Variants in ADAMTS16 observed in about 807,000 individuals in gnomAD.
ADAMTS16 encodes the protein ADAM metallopeptidase with thrombospondin type 1 motif 16, also known as A disintegrin and metalloproteinase with thrombospondin motifs 16.
In ADAMTS16, 94 loss-of-function variants were observed where a neutral mutation model predicts 145.8. The observed-to-expected ratio is 0.64, with a 90% confidence interval of 0.55 to 0.77. ADAMTS16 has a LOEUF of 0.77. Among genes scored for constraint, ADAMTS16 ranks in the 30% least tolerant of loss-of-function variants. The pLI is 0.00. For synonymous variants in ADAMTS16, 659 were observed against 604.3 expected, an observed-to-expected ratio of 1.09 and a Z score of -1.33; for missense variants, 1,585 against 1,591.5, an observed-to-expected ratio of 1.00 and a Z score of 0.07.
intron 17 of ADAMTS16, among the ~76,000 whole-genome samples, chr5:5,246,395 C>A (rs977277365): frequency 3.3e-5 from 5 of 152,128 alleles, no homozygotes; most frequent in African/African-American, 1.2e-4. Context: ...CAATAATATT[C>A]TCTTCACCAT....
In ADAMTS16 at chr5:5,303,251, T is replaced by C; in HGVS notation, c.2790-17T>C. The C allele has an allele frequency of 6.5e-7, 1 of 1,532,254 alleles. No homozygotes were observed. The highest frequency in any genetic ancestry group is 8.8e-7 in the Non-Finnish European group (1 of 1,138,262). The allele number at this position is 1,532,254 out of a possible 1,614,324, so 94.9% of individuals were successfully genotyped here. A position where few individuals can be genotyped will look rare whatever the true frequency, so the allele number is the denominator to read the frequency against. ...GATGGAGCCATCCCTCACCGAGGTC[T>C]CTTTGTCCCTGCCCAGCTGGTCCGT... On this transcript the variant is annotated splice_polypyrimidine_tract_variant and intron_variant, in intron 18 of 22. Transcript: ENST00000274181.
intron 10 of ADAMTS16, among the ~76,000 whole-genome samples, chr5:5,213,938 A>G (rs953539635): frequency 3.3e-5 from 5 of 152,238 alleles, no homozygotes; most frequent in Admixed American, 6.5e-5. Context: ...GCCCAATGCA[A>G]CTTTTTTCTA....
intron 18 of ADAMTS16, among the ~76,000 whole-genome samples, chr5:5,286,649 G>A (rs1739113116): frequency 6.6e-6 from 1 of 152,000 alleles, no homozygotes; most frequent in Non-Finnish European, 1.5e-5. Flanking sequence ...ACAAGATCAG[G>A]AGATGGAGAC....
intron 3 of ADAMTS16, among the ~76,000 whole-genome samples, chr5:5,180,240 G>A (rs1482673151): frequency 6.6e-6 from 1 of 152,088 alleles, no homozygotes; most frequent in Non-Finnish European, 1.5e-5. Context: ...GGCAGCACTA[G>A]ATTTGCAAAA....
chr5:5,197,047 A>G (rs897827926), intron 8 of ADAMTS16, among the ~76,000 whole-genome samples: 2 of 152,150 alleles, frequency 1.3e-5, no homozygotes, highest in African/African-American at 4.8e-5. Flanking sequence ...AGATGCCTGC[A>G]TGAAGCCTGC....
chr5:5,185,024 A>G (rs1735459528), intron 4 of ADAMTS16, among the ~76,000 whole-genome samples: 1 of 152,132 alleles, frequency 6.6e-6, no homozygotes, highest in Admixed American at 6.5e-5. Flanking sequence ...TTAGAACCCC[A>G]TGCTCAGCCT....
In ADAMTS16 at chr5:5,146,120, T is replaced by C; in HGVS notation, c.176-10T>C. The C allele has an allele frequency of 6.2e-7, 1 of 1,608,488 alleles. No homozygotes were observed. Among genetic ancestry groups the C allele is most frequent in the Non-Finnish European group, 8.5e-7 (1 of 1,175,238 alleles). ...AATGACTCAGCCTCTGCTCACTCTT[T>C]TGATTTCAGAATATGACCTGGTCTC... On this transcript the variant is annotated splice_polypyrimidine_tract_variant and intron_variant, in intron 2 of 22. Coordinates refer to ENST00000274181, the MANE Select transcript of ADAMTS16 (RefSeq NM_139056.4).
chr5:5,188,497 C>G (rs1735572763), intron 6 of ADAMTS16, among the ~76,000 whole-genome samples: 1 of 152,106 alleles, frequency 6.6e-6, no homozygotes, highest in South Asian at 2.1e-4. Context: ...ATTTTAGGCA[C>G]AAAATGTTCT....
Position 5,146,346 on chromosome 5 carries a change from C to T in ADAMTS16, c.392C>T (p.Thr131Ile), listed in dbSNP as rs763065106. The change falls in exon 3 of 23, where the codon ACA becomes ATA. Residue 131 changes from threonine to isoleucine, a missense_variant. Physicochemically the swap from Thr to Ile is moderately conservative, Grantham distance 89. Coordinates refer to ENST00000274181, the MANE Select transcript of ADAMTS16 (RefSeq NM_139056.4). ...PGFIVQTLGKTGTKSVQTLPP... is the reference protein window; with the variant it reads ...PGFIVQTLGKIGTKSVQTLPP... The stretch of plus-strand genomic sequence containing the variant: ...TTTATTGTGCAGACGTTGGGAAAGA[C>T]AGGCACTAAGTCTGTGCAGACTTTA... 2.5e-6 allele frequency: 4 copies of T among 1,614,216 alleles called. No individual in the cohort carries two copies.
At chr5:5,308,517 G>C (rs1378218282) in intron 21 of ADAMTS16, among the ~76,000 whole-genome samples, 2 of 152,100 alleles carry the variant, frequency 1.3e-5, no homozygotes. Flanking sequence ...CAAGGAGGAG[G>C]GAGCACCCTC....
At chr5:5,200,018 G>T in intron 8 of ADAMTS16, 114 bp from the exon 9 acceptor site, 1 of 1,258,798 alleles carries the variant, frequency 7.9e-7, no homozygotes. Flanking sequence ...TGCCTGCCTA[G>T]CATATAGGGG....
At chr5:5,221,793 G>A (rs1448361220) in intron 10 of ADAMTS16, among the ~76,000 whole-genome samples, 2 of 152,148 alleles carry the variant, frequency 1.3e-5, no homozygotes, top group Non-Finnish European at 2.9e-5. Flanking sequence ...TTAACATGGT[G>A]GAAATATGGA....
chr5:5,166,016 A>G (rs1342243054), intron 3 of ADAMTS16, among the ~76,000 whole-genome samples: 1 of 152,100 alleles, frequency 6.6e-6, no homozygotes, highest in African/African-American at 2.4e-5. Flanking sequence ...TCCTGCACCC[A>G]CTTTATCTCC....
chr5:5,231,934 T>G (rs1736937580), intron 11 of ADAMTS16, among the ~76,000 whole-genome samples: 1 of 152,148 alleles, frequency 6.6e-6, no homozygotes, highest in African/African-American at 2.4e-5. Flanking sequence ...GACAAGGTGT[T>G]GAGCCATGTG....
Position 5,195,318 on chromosome 5 carries a change from T to G in ADAMTS16, c.1313+3528T>G, listed in dbSNP as rs77322656. Among the ~76,000 whole-genome samples, 197 of 152,338 alleles carry G rather than the reference T, an allele frequency of 1.3e-3. 4 individuals carry two copies. In the East Asian group the frequency reaches 0.024, roughly 19 times the overall value. On this transcript the variant is annotated intron_variant, in intron 8 of 22. Transcript: ENST00000274181. ...GCAGGTGCTGAAGCATTGGCACAGA[T>G]GCACCAAGGGCTGAACTGCGCATTT... is the stretch of plus-strand genomic sequence containing the variant.
chr5:5,235,235 T>C (rs1456688241), intron 13 of ADAMTS16, 49 bp downstream of exon 13: 1 of 1,448,510 alleles, frequency 6.9e-7, no homozygotes, highest in Non-Finnish European at 9.2e-7. Flanking sequence ...TTACTACCTT[T>C]ACTTTTTAAA....
At chr5:5,302,498 A>G (rs1444334420) in intron 18 of ADAMTS16, among the ~76,000 whole-genome samples, 1 of 152,232 alleles carries the variant, frequency 6.6e-6, no homozygotes, top group Non-Finnish European at 1.5e-5. Context: ...CACAAGAACC[A>G]ACACCACAGA....
intron 18 of ADAMTS16, among the ~76,000 whole-genome samples, chr5:5,274,689 T>G (rs1274139930): frequency 6.7e-6 from 1 of 149,686 alleles, no homozygotes; most frequent in African/African-American, 2.5e-5. Context: ...TATATACATA[T>G]ATACATATAT....
At chr5:5,236,063 A>G (rs996307892) in intron 13 of ADAMTS16, among the ~76,000 whole-genome samples, 2 of 152,234 alleles carry the variant, frequency 1.3e-5, no homozygotes, top group African/African-American at 2.4e-5. Flanking sequence ...GGTAGAATGA[A>G]CTTTGAAACC....
Sources: allele counts gnomAD v4.1 joint callset (sites outside exome capture counted in the v4.1 genomes callset), GRCh38; gene constraint gnomAD v4.1.1; transcripts MANE v1.5; gene names NCBI Gene and HGNC (gene_info 2026-07-23, HGNC 2026-07-21).